Variants in TRPS1 observed in about 807,000 individuals in gnomAD.
TRPS1 encodes the protein transcriptional repressor GATA binding 1.
Under a neutral mutation model 101.2 loss-of-function variants are expected in TRPS1, and 6 were observed. That is an observed-to-expected ratio of 0.06 (90% CI 0.03 to 0.12). The LOEUF is 0.12. TRPS1 is among the 10% of genes least tolerant of loss of function. The pLI is 1.00. For missense variants in TRPS1, 1,363 were observed against 1,567.0 expected (o/e 0.87, Z 2.20); for synonymous variants, 578 against 589.8 (o/e 0.98, Z 0.29).
chr8:115,653,544 ATC>A (rs1164201781), intron 1 of TRPS1, among the ~76,000 whole-genome samples: 2 of 152,192 alleles, frequency 1.3e-5, no homozygotes, highest in African/African-American at 4.8e-5. Flanking sequence ...AATTGATTAT[ATC>A]TGACGGAATG....
At chr8:115,619,047 G>A in intron 3 of TRPS1, 85 bp downstream of exon 3, 1 of 1,464,962 alleles carries the variant, frequency 6.8e-7, no homozygotes, top group Non-Finnish European at 9.4e-7. Context: ...CTGGTACTGG[G>A]ACCTTGGTTT....
chr8:115,489,295 CA>C (rs1376933532), intron 5 of TRPS1, among the ~76,000 whole-genome samples: 8 of 152,096 alleles, frequency 5.3e-5, no homozygotes, highest in Non-Finnish European at 1.0e-4. Context: ...CCCATTATAC[CA>C]AACCAAAACA....
At chr8:115,548,996 TG>T (rs1816642445) in intron 5 of TRPS1, among the ~76,000 whole-genome samples, 1 of 152,218 alleles carries the variant, frequency 6.6e-6, no homozygotes, top group African/African-American at 2.4e-5. Context: ...GTATTAATAC[TG>T]ATTACACTGA....
chr8:115,514,795 A>C (rs565801420), intron 5 of TRPS1, among the ~76,000 whole-genome samples: 1 of 151,806 alleles, frequency 6.6e-6, no homozygotes, highest in African/African-American at 2.4e-5. Context: ...TTAATAACTA[A>C]AATTATTTCT....
intron 5 of TRPS1, among the ~76,000 whole-genome samples, chr8:115,536,292 G>A (rs1229242773): frequency 6.6e-6 from 1 of 151,932 alleles, no homozygotes; most frequent in Non-Finnish European, 1.5e-5. Flanking sequence ...AGGCCGAGGC[G>A]GGCGGATCAG....
intron 5 of TRPS1, among the ~76,000 whole-genome samples, chr8:115,565,995 A>G (rs1817058758): frequency 6.6e-6 from 1 of 152,140 alleles, no homozygotes; most frequent in Admixed American, 6.6e-5. Context: ...ATCTTGTACC[A>G]TATTTTCATG....
chr8:115,530,653 C>T (rs1033812164), intron 5 of TRPS1, among the ~76,000 whole-genome samples: 1 of 152,104 alleles, frequency 6.6e-6, no homozygotes, highest in Non-Finnish European at 1.5e-5. Context: ...TGGCACTATT[C>T]ACAACAGCAA....
At chr8:115,615,880 T>C (rs1166156101) in intron 3 of TRPS1, among the ~76,000 whole-genome samples, 1 of 152,222 alleles carries the variant, frequency 6.6e-6, no homozygotes, top group African/African-American at 2.4e-5. Flanking sequence ...TAGTAAATAT[T>C]ACATGAAAAG....
intron 5 of TRPS1, among the ~76,000 whole-genome samples, chr8:115,465,416 C>T (rs1203583065): frequency 1.3e-5 from 2 of 151,970 alleles, no homozygotes; most frequent in Admixed American, 1.3e-4. Flanking sequence ...TCAAAGGCAA[C>T]ATTTTAGGTA....
intron 5 of TRPS1, among the ~76,000 whole-genome samples, chr8:115,571,551 G>A (rs1563612433): frequency 6.6e-6 from 1 of 152,078 alleles, no homozygotes; most frequent in Non-Finnish European, 1.5e-5. Context: ...AAACAAAAGG[G>A]AAAGCAGAAT....
At chr8:115,491,500 T>C (rs943144869) in intron 5 of TRPS1, among the ~76,000 whole-genome samples, 4 of 151,918 alleles carry the variant, frequency 2.6e-5, no homozygotes, top group East Asian at 1.9e-4. Context: ...CTTAGTGGAG[T>C]GTGCTGGCGT....
intron 4 of TRPS1, among the ~76,000 whole-genome samples, chr8:115,588,164 A>T (rs546037141): frequency 6.6e-6 from 1 of 152,342 alleles, no homozygotes; most frequent in Non-Finnish European, 1.5e-5. Flanking sequence ...TCCATATATT[A>T]AAAGGAACTA....
At chr8:115,423,586 T>C (rs1586259461) in intron 5 of TRPS1, among the ~76,000 whole-genome samples, 1 of 152,256 alleles carries the variant, frequency 6.6e-6, no homozygotes, top group South Asian at 2.1e-4. Flanking sequence ...AGTAAACCAA[T>C]AAGTATAATG....
At chr8:115,456,595 T>A (rs150678633) in intron 5 of TRPS1, among the ~76,000 whole-genome samples, 2 of 152,266 alleles carry the variant, frequency 1.3e-5, no homozygotes, top group East Asian at 1.9e-4. Context: ...TACCAACTAC[T>A]CACTTTGGCA....
At chr8:115,431,650 A>G (rs1813321630) in intron 5 of TRPS1, among the ~76,000 whole-genome samples, 1 of 151,980 alleles carries the variant, frequency 6.6e-6, no homozygotes, top group African/African-American at 2.4e-5. Flanking sequence ...AAAGGAACAC[A>G]TTGTAGATCA....
At chr8:115,661,248 C>G (rs1811788917) in intron 1 of TRPS1, among the ~76,000 whole-genome samples, 1 of 151,922 alleles carries the variant, frequency 6.6e-6, no homozygotes, top group Non-Finnish European at 1.5e-5. Flanking sequence ...TATGTTTAAA[C>G]TCCATACTCA....
intron 5 of TRPS1, among the ~76,000 whole-genome samples, chr8:115,492,701 TAATGAGAC>T (rs780593512): frequency 1.8e-4 from 28 of 152,198 alleles, no homozygotes; most frequent in South Asian, 6.2e-4. Context: ...GTTAGTAGGA[TAATGAGAC>T]AAAGTGTTTT....
intron 1 of TRPS1, among the ~76,000 whole-genome samples, chr8:115,648,443 C>A (rs577430373): frequency 1.1e-3 from 160 of 152,310 alleles, no homozygotes; most frequent in African/African-American, 3.6e-3. Flanking sequence ...GCCGCAGGCC[C>A]GGGGCTCCTG....
chr8:115,530,731 C>T (rs1816108534), intron 5 of TRPS1, among the ~76,000 whole-genome samples: 1 of 152,092 alleles, frequency 6.6e-6, no homozygotes, highest in South Asian at 2.1e-4. Context: ...ACATATACAC[C>T]ATGGAATATT....
Sources: allele counts gnomAD v4.1 joint callset (sites outside exome capture counted in the v4.1 genomes callset), GRCh38; gene constraint gnomAD v4.1.1; transcripts MANE v1.5; gene names NCBI Gene and HGNC (gene_info 2026-07-23, HGNC 2026-07-21).